The following POLB variants were observed in gnomAD, a reference collection of about 807,000 sequenced individuals.
POLB encodes the protein DNA polymerase beta.
In POLB, 37 loss-of-function variants were observed where a neutral mutation model predicts 52.7. That is an observed-to-expected ratio of 0.70 (90% CI 0.54 to 0.92). The LOEUF is 0.92. POLB is among the 40% of genes least tolerant of loss of function. POLB has a pLI of 0.00. For synonymous variants in POLB, 138 were observed against 131.3 expected, an observed-to-expected ratio of 1.05 and a Z score of -0.35; for missense variants, 313 against 400.8, an observed-to-expected ratio of 0.78 and a Z score of 1.87.
intron 11 of POLB, among the ~76,000 whole-genome samples, chr8:42,366,006 G>A (rs1311714788): frequency 6.6e-6 from 1 of 152,002 alleles, no homozygotes; most frequent in Non-Finnish European, 1.5e-5. Flanking sequence ...AGGCTGAGGT[G>A]GAAGGATCGC....
At position 42,338,528 on chromosome 8, in the gene POLB, C is replaced by A. The variant is rs564359999; in HGVS notation, c.-97C>A. The A allele has an allele frequency of 4.5e-6, 5 of 1,118,414 alleles. No homozygotes were observed. The highest frequency in any genetic ancestry group is 3.7e-5 in the South Asian group (3 of 80,672). 69.3% of individuals were successfully genotyped at this position (1,118,414 alleles called of 1,614,324 possible). ...CCGGTCGCGCCGGAGCTGGGTTGCT[C>A]CTGCTCCCGTCTCCAAGTCCTGGTA... is the stretch of plus-strand genomic sequence containing the variant. On this transcript the variant is annotated 5_prime_UTR_variant, in exon 1 of 14. Transcript: ENST00000265421.
intron 5 of POLB, among the ~76,000 whole-genome samples, chr8:42,350,857 G>C (rs1822935870): frequency 7.9e-6 from 1 of 125,994 alleles, no homozygotes; most frequent in South Asian, 3.0e-4. Context: ...AATTTTCATT[G>C]GAAGAATTAC....
At chr8:42,357,054 A>G (rs1823357620) in intron 7 of POLB, 115 bp from the exon 8 acceptor site, 8 of 635,328 alleles carry the variant, frequency 1.3e-5, no homozygotes, top group South Asian at 2.0e-5. Context: ...TCTAGCCTTG[A>G]TTTGTGAGAA....
rs764645372 is a variant in POLB at position 42,357,321 on chromosome 8, A to G, written c.479A>G (p.Asp160Gly). 5.9e-6 allele frequency: 9 copies of G among 1,530,858 alleles called. No homozygotes were observed. In the East Asian group the frequency reaches 2.0e-4, roughly 34 times the overall value. 94.8% of individuals were successfully genotyped at this position (1,530,858 alleles called of 1,614,324 possible). The change falls in exon 9 of 14, where the codon GAT becomes GGT. Residue 160 changes from aspartate (D) to glycine (G), a missense_variant and splice_region_variant. Physicochemically the swap from Asp to Gly is moderately conservative, Grantham distance 94 (BLOSUM62 -1). Coordinates refer to ENST00000265421, the MANE Select transcript of POLB (RefSeq NM_002690.3). ...IPREEMLQMQDIVLNEVKKVD... is the reference protein window; with the variant it reads ...IPREEMLQMQGIVLNEVKKVD... The stretch of plus-strand genomic sequence containing the variant: ...CTGACTTAATTTTTCTTCTATTAGG[A>G]TATTGTACTAAATGAAGTTAAAAAA...
rs568752004 is a variant in POLB, at chr8:42,356,477, C to T, written c.423-692C>T. 6.6e-5 allele frequency among the ~76,000 whole-genome samples: 10 copies of T among 152,312 alleles called. No homozygotes were observed. In the South Asian group the frequency reaches 2.1e-3, roughly 32 times the overall value. On this transcript the variant is annotated intron_variant, in intron 7 of 13. Transcript: ENST00000265421. The stretch of plus-strand genomic sequence containing the variant: ...ATTCATCCATTTAAAATATACAATT[C>T]AGTGACTTTTAGTATATTCACAGAG...
intron 5 of POLB, among the ~76,000 whole-genome samples, chr8:42,351,237 T>C (rs1822963998): frequency 6.6e-6 from 1 of 152,162 alleles, no homozygotes; most frequent in Non-Finnish European, 1.5e-5. Context: ...AGAACATGAG[T>C]AACCATGGCA....
intron 9 of POLB, among the ~76,000 whole-genome samples, chr8:42,360,815 C>T (rs909635589): frequency 4.0e-5 from 6 of 151,838 alleles, no homozygotes; most frequent in Admixed American, 3.3e-4. Flanking sequence ...AACTCCTGGG[C>T]TCAGCGATCC....
At chr8:42,344,428 C>T (rs1822472520) in intron 2 of POLB, among the ~76,000 whole-genome samples, 1 of 149,892 alleles carries the variant, frequency 6.7e-6, no homozygotes, top group Admixed American at 6.6e-5. Flanking sequence ...GAGATTGCGC[C>T]ATTGCACTCC....
intron 2 of POLB, among the ~76,000 whole-genome samples, chr8:42,343,786 T>C (rs1214815781): frequency 2.0e-5 from 3 of 152,168 alleles, no homozygotes. Context: ...CTTTGACGTA[T>C]AGAGTTTAAA....
In POLB at chr8:42,350,061, A is replaced by G; in HGVS notation, c.316A>G (p.Ile106Val). 1 of 1,586,990 alleles carries G rather than the reference A, an allele frequency of 6.3e-7. No homozygotes were observed. The highest frequency in any genetic ancestry group is 8.7e-7 in the Non-Finnish European group (1 of 1,155,292). The stretch of plus-strand genomic sequence containing the variant: ...CAATTTCCTGACTCGAGTTAGTGGC[A>G]TTGGGTAAGAACTATTTTTTAAGCA... ...SINFLTRVSG[I>V]GPSAARKFVD... The change falls in exon 5 of 14, where the codon ATT becomes GTT. Residue 106 changes from isoleucine (I) to valine (V), a missense_variant. Around this residue, in one of 3 missense-constraint regions of POLB, gnomAD observed 246 missense variants for 297.6 expected, o/e 0.83. Transcript: ENST00000265421.
At chr8:42,366,112 A>G (rs1006897560) in intron 11 of POLB, among the ~76,000 whole-genome samples, 3 of 152,146 alleles carry the variant, frequency 2.0e-5, no homozygotes, top group African/African-American at 7.2e-5. Context: ...AGGAAAAAAA[A>G]AAAAGGAAAA....
chr8:42,353,183 T>G (rs111265307), intron 6 of POLB, among the ~76,000 whole-genome samples: 7,069 of 150,796 alleles, frequency 0.047, 545 homozygotes, highest in African/African-American at 0.16. Flanking sequence ...TCTTTTTTTT[T>G]TTTTTTGCTC....
intron 2 of POLB, chr8:42,342,376 C>T: frequency 6.7e-7 from 1 of 1,490,924 alleles, no homozygotes; most frequent in Non-Finnish European, 9.2e-7. Flanking sequence ...AACCTTCACA[C>T]CATATTTTGG....
At position 42,361,327 on chromosome 8, in the gene POLB, C is replaced by T; in HGVS notation, c.583C>T (p.Leu195=). The T allele has an allele frequency of 4.3e-6, 7 of 1,612,868 alleles. No individual in the cohort carries two copies. The highest frequency in any genetic ancestry group is 5.9e-6 in the Non-Finnish European group (7 of 1,178,802). Residue 195 remains leucine (L), a synonymous_variant, in exon 10 of 14, where the codon CTG becomes TTG. Transcript: ENST00000265421. ...GTCCAGTGGTGACATGGATGTTCTC[C>T]TGACCCATCCCAGCTTCACTTCAGA... ...AESSGDMDVL[L]THPSFTSEST... is the part of the protein sequence containing the mutation.
intron 7 of POLB, among the ~76,000 whole-genome samples, chr8:42,356,137 A>G (rs555495978): frequency 2.0e-5 from 3 of 152,352 alleles, no homozygotes; most frequent in Admixed American, 2.0e-4. Flanking sequence ...CATAAGCACT[A>G]TATGTATCTC....
At chr8:42,345,381 G>A (rs898029616) in intron 3 of POLB, among the ~76,000 whole-genome samples, 1 of 152,196 alleles carries the variant, frequency 6.6e-6, no homozygotes, top group Non-Finnish European at 1.5e-5. Context: ...ATCCCCAGGT[G>A]TAGGAACCTA....
chr8:42,357,689 G>T, intron 9 of POLB: 2 of 281,152 alleles, frequency 7.1e-6, no homozygotes, highest in Admixed American at 5.2e-5. Flanking sequence ...GGATGATAGT[G>T]AAGTTGTGGG....
intron 5 of POLB, among the ~76,000 whole-genome samples, 167 bp from the exon 6 acceptor site, chr8:42,352,352 C>G (rs777628975): frequency 1.3e-5 from 2 of 152,188 alleles, no homozygotes; most frequent in African/African-American, 4.8e-5. Flanking sequence ...ATGATTGAAG[C>G]TTCAATAATT....
chr8:42,342,173 G>A, intron 2 of POLB: 2 of 1,544,514 alleles, frequency 1.3e-6, no homozygotes, highest in South Asian at 1.1e-5. Context: ...TTTATTGCCA[G>A]TGGTAGTTCT....
Sources: gnomAD v4.1 joint callset for allele counts (sites outside exome capture counted in the v4.1 genomes callset) on GRCh38, gnomAD v4.1.1 for gene constraint, gnomAD v4.1.1 regional missense constraint, MANE v1.5 for transcripts, NCBI Gene and HGNC (gene_info 2026-07-23, HGNC 2026-07-21) for gene names.